PLEKHG7: variants seen among roughly 807,000 people sequenced by gnomAD.
PLEKHG7 encodes the protein pleckstrin homology domain-containing family G member 7.
A neutral mutation model predicts 85.2 loss-of-function variants in PLEKHG7; 77 were observed. That is an observed-to-expected ratio of 0.90 (90% CI 0.75 to 1.09). The LOEUF (loss-of-function observed/expected upper bound fraction) is 1.09. PLEKHG7 is among the 50% of genes least tolerant of loss of function. The pLI, the probability that PLEKHG7 is intolerant of heterozygous loss-of-function variation, is 0.00. For synonymous variants in PLEKHG7, 301 were observed against 302.4 expected, an observed-to-expected ratio of 1.00 and a Z score of 0.05; for missense variants, 777 against 804.3, an observed-to-expected ratio of 0.97 and a Z score of 0.41.
intron 3 of PLEKHG7, among the ~76,000 whole-genome samples, chr12:92,720,894 T>C (rs1293554990): frequency 2.0e-5 from 3 of 152,204 alleles, no homozygotes; most frequent in Non-Finnish European, 4.4e-5. Flanking sequence ...TTAAAATAGT[T>C]GGTAGTCTCT....
intron 3 of PLEKHG7, among the ~76,000 whole-genome samples, chr12:92,727,975 T>TATAC (rs1871871527): frequency 2.1e-5 from 3 of 143,726 alleles, no homozygotes; most frequent in East Asian, 2.0e-4. Context: ...TATATATATA[T>TATAC]ACACATATAT....
intron 4 of PLEKHG7, 127 bp downstream of exon 4, chr12:92,729,247 C>T: frequency 8.8e-7 from 1 of 1,131,702 alleles, no homozygotes; most frequent in East Asian, 3.2e-5. Flanking sequence ...CAATCAGCCT[C>T]ACCAATTACA....
At chr12:92,741,717 G>A (rs1027124231) in intron 9 of PLEKHG7, 125 bp downstream of exon 9, 2 of 546,260 alleles carry the variant, frequency 3.7e-6, no homozygotes, top group Admixed American at 7.4e-5. Context: ...TCCTACAAAG[G>A]AACTGTCCCT....
Position 92,706,689 on chromosome 12 carries a change from C to A in PLEKHG7, c.58C>A (p.Pro20Thr), listed in dbSNP as rs769998472. The part of the protein sequence containing the change: ...EVPPQDCGAS[P>T]RPSLRSLPKN... ...GCCACCCCAAGACTGTGGAGCCTCTCCTCGGCCCTCGCTGAGGAGCCTGCC... is the reference window on the plus strand; with the variant it reads ...GCCACCCCAAGACTGTGGAGCCTCTACTCGGCCCTCGCTGAGGAGCCTGCC... Residue 20 changes from proline to threonine, a missense_variant, in exon 2 of 17, where the codon CCT becomes ACT. Pro to Thr is a conservative substitution (Grantham distance 38). Around this residue, in one of 3 missense-constraint regions of PLEKHG7, gnomAD observed 252 missense variants for 241.9 expected, o/e 1.04. Coordinates refer to ENST00000344636, the MANE Select transcript of PLEKHG7 (RefSeq NM_001377329.1). 6.2e-7 allele frequency: 1 copy of A among 1,614,142 alleles called. No homozygotes were observed. Among genetic ancestry groups the A allele is most frequent in the Non-Finnish European group, 8.5e-7 (1 of 1,180,024 alleles).
At position 92,770,482 on chromosome 12, in the gene PLEKHG7, T is replaced by C. The variant is rs528430034; in HGVS notation, c.*287T>C. Reference sequence around the variant, plus strand: ...GGTGTGAGTGAAGAAAGGTGCTAATTTGTAAAGGGTGAATGATCAGATAAA... The same window carrying C: ...GGTGTGAGTGAAGAAAGGTGCTAATCTGTAAAGGGTGAATGATCAGATAAA... On this transcript the variant is annotated 3_prime_UTR_variant, in exon 17 of 17. Coordinates refer to ENST00000344636, the MANE Select transcript of PLEKHG7 (RefSeq NM_001377329.1). 5 of 312,016 alleles carry C rather than the reference T, an allele frequency of 1.6e-5. No homozygotes were observed. Among genetic ancestry groups the C allele is most frequent in the South Asian group, 4.1e-5 (1 of 24,212 alleles). 19.3% of individuals were successfully genotyped at this position (312,016 alleles called of 1,614,324 possible).
intron 1 of PLEKHG7, among the ~76,000 whole-genome samples, chr12:92,705,242 A>G (rs185201107): frequency 6.6e-6 from 1 of 152,386 alleles, no homozygotes; most frequent in East Asian, 1.9e-4. Flanking sequence ...ACAGAACTAT[A>G]GTAAACATAG....
At chr12:92,752,503 G>A (rs1406359868) in intron 10 of PLEKHG7, among the ~76,000 whole-genome samples, 4 of 152,120 alleles carry the variant, frequency 2.6e-5, no homozygotes, top group African/African-American at 9.7e-5. Context: ...TTGGTGGGGG[G>A]TTGAGCTAAT....
intron 4 of PLEKHG7, among the ~76,000 whole-genome samples, chr12:92,731,918 A>G (rs1415443683): frequency 1.3e-5 from 2 of 152,166 alleles, no homozygotes; most frequent in African/African-American, 4.8e-5. Context: ...ATTACTCAAC[A>G]TCTTCAGTAC....
At chr12:92,760,844 T>C (rs1872966589) in intron 13 of PLEKHG7, among the ~76,000 whole-genome samples, 2 of 152,176 alleles carry the variant, frequency 1.3e-5, no homozygotes, top group Non-Finnish European at 2.9e-5. Context: ...ATAGACACTT[T>C]CTAAAACTTG....
intron 15 of PLEKHG7, among the ~76,000 whole-genome samples, chr12:92,765,114 A>C (rs1592690423): frequency 6.6e-6 from 1 of 152,186 alleles, no homozygotes; most frequent in East Asian, 1.9e-4. Context: ...CATAATAGAG[A>C]AACCTTAAAG....
At chr12:92,734,940 C>T (rs1045129236) in intron 5 of PLEKHG7, among the ~76,000 whole-genome samples, 1 of 152,170 alleles carries the variant, frequency 6.6e-6, no homozygotes, top group Non-Finnish European at 1.5e-5. Context: ...ACCACTGCCA[C>T]CACAATGGAG....
chr12:92,765,325 TAAAAA>T (rs59974651), intron 15 of PLEKHG7, among the ~76,000 whole-genome samples: 3 of 128,920 alleles, frequency 2.3e-5, no homozygotes, highest in Non-Finnish European at 4.9e-5. Flanking sequence ...AGTCTCTTAT[TAAAAA>T]AAAAAAAAAA....
Position 92,732,284 on chromosome 12 carries a change from C to T in PLEKHG7, c.699+11C>T, listed in dbSNP as rs1872014150. The T allele has an allele frequency of 2.4e-6, 3 of 1,230,236 alleles. No homozygotes were observed. The highest frequency in any genetic ancestry group is 3.0e-6 in the Non-Finnish European group (3 of 986,336). 76.2% of individuals were successfully genotyped at this position (1,230,236 alleles called of 1,614,324 possible). A position where few individuals can be genotyped will look rare whatever the true frequency, so the allele number is the denominator to read the frequency against. On this transcript the variant is annotated intron_variant, in intron 5 of 16. Transcript: ENST00000344636. ...TCCAAAAGAGGAGTGGTAAGTGTTG[C>T]AAATTGCCATTTTTGTTTTAATTAA...
At chr12:92,754,584 T>C (rs1367272554) in intron 11 of PLEKHG7, among the ~76,000 whole-genome samples, 1 of 152,200 alleles carries the variant, frequency 6.6e-6, no homozygotes, top group Non-Finnish European at 1.5e-5. Context: ...TTAACAGCCG[T>C]ACTGACCCCA....
intron 14 of PLEKHG7, among the ~76,000 whole-genome samples, 153 bp from the exon 15 acceptor site, chr12:92,763,888 G>A (rs1873108334): frequency 6.6e-6 from 1 of 152,084 alleles, no homozygotes; most frequent in Non-Finnish European, 1.5e-5. Context: ...TTGGGGAAAT[G>A]CTTTTCAAGA....
chr12:92,761,593 A>G (rs1872993863), intron 13 of PLEKHG7, among the ~76,000 whole-genome samples, 159 bp from the exon 14 acceptor site: 1 of 149,694 alleles, frequency 6.7e-6, no homozygotes, highest in African/African-American at 2.5e-5. Flanking sequence ...AGAGAGAATG[A>G]AAAGAAAGAA....
intron 1 of PLEKHG7, among the ~76,000 whole-genome samples, chr12:92,706,265 A>C (rs901865606): frequency 1.2e-4 from 19 of 152,366 alleles, no homozygotes; most frequent in African/African-American, 4.1e-4. Flanking sequence ...TTAAGTAGAC[A>C]GTAAACAGAC....
At chr12:92,707,734 T>C (rs1401645930) in intron 3 of PLEKHG7, 62 bp downstream of exon 3, 2 of 1,610,600 alleles carry the variant, frequency 1.2e-6, no homozygotes, top group Non-Finnish European at 1.7e-6. Flanking sequence ...TATTAGATTT[T>C]TATTTCTGTC....
intron 10 of PLEKHG7, among the ~76,000 whole-genome samples, chr12:92,749,337 G>A (rs891559876): frequency 2.0e-4 from 31 of 152,034 alleles, no homozygotes; most frequent in Middle Eastern, 3.4e-3. Context: ...TGTCACCCAG[G>A]CTAGAGTGCA....
Sources: gnomAD v4.1 joint callset for allele counts (sites outside exome capture counted in the v4.1 genomes callset) on GRCh38, gnomAD v4.1.1 for gene constraint, gnomAD v4.1.1 regional missense constraint, MANE v1.5 for transcripts, NCBI Gene and HGNC (gene_info 2026-07-23, HGNC 2026-07-21) for gene names.